The following GRAMD2B variants were observed in gnomAD, a reference collection of about 807,000 sequenced individuals.
GRAMD2B encodes GRAM domain-containing protein 2B.
GRAMD2B carries 41 observed loss-of-function variants against 59.2 expected under a neutral mutation model. That is an observed-to-expected ratio of 0.69 (90% confidence interval 0.54 to 0.90). The LOEUF is 0.90. GRAMD2B is among the 40% of genes least tolerant of loss of function. The pLI is 0.00. For missense variants in GRAMD2B, 424 were observed against 500.5 expected, an observed-to-expected ratio of 0.85 and a Z score of 1.46; for synonymous variants, 161 against 182.7, an observed-to-expected ratio of 0.88 and a Z score of 0.96.
At chr5:126,386,303 C>A (rs1251529628) in intron 1 of GRAMD2B, among the ~76,000 whole-genome samples, 1 of 152,190 alleles carries the variant, frequency 6.6e-6, no homozygotes, top group Non-Finnish European at 1.5e-5. Context: ...AAAGGCAAAT[C>A]CGAATTCCAA....
chr5:126,489,216 G>A (rs1206831102), intron 13 of GRAMD2B, among the ~76,000 whole-genome samples: 2 of 152,194 alleles, frequency 1.3e-5, no homozygotes, highest in Admixed American at 1.3e-4. Context: ...GGACATAGTA[G>A]GGAGTGAACT....
chr5:126,375,650 A>G (rs1191201547), intron 1 of GRAMD2B, among the ~76,000 whole-genome samples: 2 of 152,140 alleles, frequency 1.3e-5, no homozygotes, highest in Non-Finnish European at 2.9e-5. Context: ...GATTACAGGC[A>G]TGAGCCACCG....
At chr5:126,429,267 G>A (rs1185107014) in intron 1 of GRAMD2B, among the ~76,000 whole-genome samples, 1 of 152,132 alleles carries the variant, frequency 6.6e-6, no homozygotes, top group Non-Finnish European at 1.5e-5. Context: ...ATTATCTTTA[G>A]CAAACAAATG....
At chr5:126,398,949 T>C (rs1757595339) in intron 1 of GRAMD2B, among the ~76,000 whole-genome samples, 1 of 152,240 alleles carries the variant, frequency 6.6e-6, no homozygotes, top group Non-Finnish European at 1.5e-5. Context: ...CCATTGTGGT[T>C]GGAAAAGATT....
rs72782491 is a variant in GRAMD2B, at chr5:126,415,011, G to A, written c.125+43444G>A. Among the ~76,000 whole-genome samples, 590 of 152,206 alleles carry A rather than the reference G, an allele frequency of 3.9e-3. 2 individuals carry two copies. The highest frequency in any genetic ancestry group is 6.9e-3 in the Non-Finnish European group (467 of 68,020). ...TACTGCTATAATTATGCAATCTAGG[G>A]CCCTTTCCTTAAGGCCAGTAGTTCT... is the stretch of plus-strand genomic sequence containing the variant. On this transcript the variant is annotated intron_variant, in intron 1 of 8. Transcript: ENST00000506445.
At chr5:126,485,256 C>A (rs183013244) in intron 10 of GRAMD2B, among the ~76,000 whole-genome samples, 100 of 152,040 alleles carry the variant, frequency 6.6e-4, no homozygotes, top group Non-Finnish European at 1.2e-3. Flanking sequence ...GAGGCTGAGG[C>A]AGGAGGATTG....
chr5:126,399,223 C>T (rs914076721), intron 1 of GRAMD2B, among the ~76,000 whole-genome samples: 1 of 152,078 alleles, frequency 6.6e-6, no homozygotes, highest in African/African-American at 2.4e-5. Flanking sequence ...TAGTATTGCT[C>T]TTAATTTCTG....
intron 1 of GRAMD2B, among the ~76,000 whole-genome samples, chr5:126,437,676 A>G (rs1762636335): frequency 6.6e-6 from 1 of 152,274 alleles, no homozygotes; most frequent in African/African-American, 2.4e-5. Context: ...ACAACCAAAC[A>G]AAATAAAACA....
chr5:126,427,106 T>C (rs185208144), intron 1 of GRAMD2B, among the ~76,000 whole-genome samples: 1 of 152,346 alleles, frequency 6.6e-6, no homozygotes, highest in East Asian at 1.9e-4. Flanking sequence ...ATACCCTTGC[T>C]CTAACTTTTG....
intron 1 of GRAMD2B, among the ~76,000 whole-genome samples, chr5:126,436,502 A>G (rs1013621363): frequency 2.0e-5 from 3 of 152,064 alleles, no homozygotes; most frequent in African/African-American, 7.2e-5. Flanking sequence ...TAATATAGAA[A>G]TTAGACGGGT....
At chr5:126,458,448 A>C (rs114989660) in intron 1 of GRAMD2B, among the ~76,000 whole-genome samples, 2,139 of 151,888 alleles carry the variant, frequency 0.014, 28 homozygotes, top group Non-Finnish European at 0.018. Context: ...TCAAAACAAA[A>C]AAAAAAAAAG....
chr5:126,491,404 G>A (rs1295380960), intron 13 of GRAMD2B, among the ~76,000 whole-genome samples: 1 of 152,186 alleles, frequency 6.6e-6, no homozygotes. Context: ...AGTAGAAAGA[G>A]CATAAATGTT....
chr5:126,424,371 C>T (rs1760217466), intron 1 of GRAMD2B, among the ~76,000 whole-genome samples: 1 of 152,150 alleles, frequency 6.6e-6, no homozygotes, highest in African/African-American at 2.4e-5. Context: ...ACTTCTAATT[C>T]AGTCTATGAT....
chr5:126,463,549 C>T (rs1406606769), intron 1 of GRAMD2B, among the ~76,000 whole-genome samples: 4 of 152,138 alleles, frequency 2.6e-5, no homozygotes, highest in Admixed American at 2.0e-4. Flanking sequence ...TATTTCAATG[C>T]CTCAGCCTTC....
chr5:126,425,463 T>C (rs891561094), intron 1 of GRAMD2B, among the ~76,000 whole-genome samples: 2 of 152,138 alleles, frequency 1.3e-5, no homozygotes, highest in African/African-American at 4.8e-5. Flanking sequence ...AAGTGTGACA[T>C]CTGAAAAAGT....
chr5:126,447,618 C>T (rs560181178), intron 1 of GRAMD2B, among the ~76,000 whole-genome samples: 2 of 148,664 alleles, frequency 1.3e-5, no homozygotes, highest in South Asian at 2.1e-4. Context: ...GAGCCGAGAT[C>T]GTGCCACTGC....
intron 1 of GRAMD2B, among the ~76,000 whole-genome samples, chr5:126,445,273 A>G (rs1449027399): frequency 6.6e-6 from 1 of 151,924 alleles, no homozygotes; most frequent in African/African-American, 2.4e-5. Context: ...GAATTGCCAC[A>G]CTCTCTTCCA....
upstream of GRAMD2B, among the ~76,000 whole-genome samples, chr5:126,371,108 TG>T (rs751057025): frequency 6.0e-4 from 92 of 152,362 alleles, 1 homozygote; most frequent in Non-Finnish European, 1.1e-3. Flanking sequence ...CTCATTGTTT[TG>T]TTTTGTTTAG....
At chr5:126,385,316 T>C (rs567069088) in intron 1 of GRAMD2B, among the ~76,000 whole-genome samples, 15 of 152,316 alleles carry the variant, frequency 9.8e-5, no homozygotes, top group African/African-American at 3.6e-4. Flanking sequence ...AATATTTTAT[T>C]CTTGCAACTG....
Sources: gnomAD v4.1 joint callset for allele counts (sites outside exome capture counted in the v4.1 genomes callset) on GRCh38, gnomAD v4.1.1 for gene constraint, MANE v1.5 for transcripts, NCBI Gene and HGNC (gene_info 2026-07-23, HGNC 2026-07-21) for gene names.